Variants in STAT6 observed in about 807,000 individuals in gnomAD.
STAT6 encodes the protein STAT, interleukin4-induced.
A neutral mutation model predicts 106.3 loss-of-function variants in STAT6; 45 were observed. The ratio of observed to expected loss-of-function variants is 0.42; its 90% CI spans 0.33 to 0.54. STAT6 has a LOEUF of 0.54. Ranked by LOEUF, STAT6 falls within the 20% of genes least tolerant of loss-of-function variation. The probability of loss-of-function intolerance (pLI) is 0.06; values close to 1 mark genes in which losing one functional copy is unlikely to be tolerated. For synonymous variants in STAT6, 413 were observed against 413.6 expected (o/e 1.00, Z 0.02); for missense variants, 797 against 1,062.2 (o/e 0.75, Z 3.47).
rs1409035859 is a variant in STAT6, at chr12:57,105,228, A to G, written c.924T>C (p.Pro308=). 1 of 1,614,050 alleles carries G rather than the reference A, an allele frequency of 6.2e-7. No homozygotes were observed. The highest frequency in any genetic ancestry group is 1.1e-5 in the South Asian group (1 of 91,084). The change falls in exon 9 of 22, where the codon CCT becomes CCC. Residue 308 remains proline, a synonymous_variant. Coordinates refer to ENST00000300134, the MANE Select transcript of STAT6 (RefSeq NM_003153.5). ...TCACCATGTCGGCCCTGACCAGCGG[A>G]GGCTTGGCTGGGGCCCCCAGGAACC... ...GLRFLGAPAK[P]PLVRADMVTE...
At chr12:57,097,626 A>G (rs974613314) in intron 19 of STAT6, among the ~76,000 whole-genome samples, 1 of 152,346 alleles carries the variant, frequency 6.6e-6, no homozygotes, top group Admixed American at 6.5e-5. Context: ...CAGTGGTCCC[A>G]TAAGATTATA....
chr12:57,100,698 A>AAGAAAGAAAGAG (rs2033832290), intron 13 of STAT6: 2 of 33,762 alleles, frequency 5.9e-5, no homozygotes, highest in East Asian at 6.2e-4. Context: ...GAAAGAAAGA[A>AAGAAAGAAAGAG]AGAGAAAGAA....
intron 19 of STAT6, 147 bp downstream of exon 19, chr12:57,098,355 TAAC>T (rs2033585562): frequency 1.2e-6 from 1 of 819,772 alleles, no homozygotes; most frequent in Admixed American, 2.3e-5. Context: ...GTCCAGATCT[TAAC>T]TACTACCCCC....
At chr12:57,108,385 G>A (rs2034403318) in intron 1 of STAT6, 86 bp from the exon 2 acceptor site, 1 of 718,778 alleles carries the variant, frequency 1.4e-6, no homozygotes, top group Admixed American at 2.1e-5. Flanking sequence ...CCCATAGATA[G>A]CCCTCCTAGG....
chr12:57,107,860 G>A, intron 2 of STAT6, 117 bp from the exon 3 acceptor site: 1 of 1,392,374 alleles, frequency 7.2e-7, no homozygotes, highest in South Asian at 1.4e-5. Flanking sequence ...CTCCATCTAG[G>A]CCCTCTGTAG....
In STAT6 at chr12:57,099,845, C is replaced by T. The variant is rs761488857; in HGVS notation, c.1666G>A (p.Asp556Asn). 21 of 1,614,078 alleles carry T rather than the reference C, an allele frequency of 1.3e-5. No individual in the cohort carries two copies. The South Asian group carries it at 1.5e-4, about 12-fold the overall frequency. Residue 556 changes from aspartate (D) to asparagine (N), a missense_variant, in exon 15 of 22, where the codon GAC becomes AAC. Asp to Asn is a conservative substitution (Grantham distance 23). Transcript: ENST00000300134. The surrounding 1 kb of genome is among the most constrained non-coding windows in gnomAD (Gnocchi z 4.7). ...CTGAAGCGGAGGAGAAAGGTTCCGTCGGGCTCATTGAGAAGAAGGCTAGTA... is the reference window on the plus strand; with the variant it reads ...CTGAAGCGGAGGAGAAAGGTTCCGTTGGGCTCATTGAGAAGAAGGCTAGTA... ...YVTSLLLNEPDGTFLLRFSDS... is the reference protein window; with the variant it reads ...YVTSLLLNEPNGTFLLRFSDS...
intron 13 of STAT6, 133 bp from the exon 14 acceptor site, chr12:57,100,223 T>C (rs889099924): frequency 1.6e-4 from 116 of 728,788 alleles, no homozygotes; most frequent in Non-Finnish European, 2.7e-4. Flanking sequence ...TGAGACTCCA[T>C]CAATGACAAC....
chr12:57,095,734 T>A lies in STAT6; in HGVS notation c.*838A>T, dbSNP rs1041236305. On this transcript the variant is annotated 3_prime_UTR_variant, in exon 22 of 22. Transcript: ENST00000300134. ...TTCAGAGTATTTGGGGGTTAGCATA[T>A]GTCAGAGAGGCCAGCACACTTGCTG... 6.6e-6 allele frequency: 1 copy of A among 152,252 alleles called. No homozygotes were observed. The highest frequency in any genetic ancestry group is 2.4e-5 in the African/African-American group (1 of 41,468). The allele number at this position is 152,252 out of a possible 1,614,324, so 9.4% of individuals were successfully genotyped here. A position where few individuals can be genotyped will look rare whatever the true frequency, so the allele number is the denominator to read the frequency against.
chr12:57,096,519 G>T lies in STAT6; in HGVS notation c.*53C>A. 6.6e-7 allele frequency: 1 copy of T among 1,509,914 alleles called. No homozygotes were observed. Among genetic ancestry groups the T allele is most frequent in the Non-Finnish European group, 8.9e-7 (1 of 1,121,706 alleles). 93.5% of individuals were successfully genotyped at this position (1,509,914 alleles called of 1,614,324 possible). ...GGGCATGAGCAAGTGTCCAGAGCAGGTCTGTGGGGGTAGTAGAAGAGCTGT... is the reference window on the plus strand; with the variant it reads ...GGGCATGAGCAAGTGTCCAGAGCAGTTCTGTGGGGGTAGTAGAAGAGCTGT... On this transcript the variant is annotated 3_prime_UTR_variant, in exon 22 of 22. Transcript: ENST00000300134.
Position 57,097,203 on chromosome 12 carries a change from C to G in STAT6, c.2160-70G>C, listed in dbSNP as rs764331551. Reference sequence around the variant, plus strand: ...ATGCAGAGTGGTGCAAAGTCAGGACCACTGAGTGAGGAAACAAGCTCCAGC... The same window carrying G: ...ATGCAGAGTGGTGCAAAGTCAGGACGACTGAGTGAGGAAACAAGCTCCAGC... On this transcript the variant is annotated intron_variant, in intron 19 of 21. Coordinates refer to ENST00000300134, the MANE Select transcript of STAT6 (RefSeq NM_003153.5). 6.3e-5 allele frequency: 83 copies of G among 1,315,110 alleles called. 1 individual carries two copies. Among genetic ancestry groups the G allele is most frequent in the Non-Finnish European group, 8.0e-5 (78 of 977,880 alleles). 81.5% of individuals were successfully genotyped at this position (1,315,110 alleles called of 1,614,324 possible).
Position 57,108,308 on chromosome 12 carries a change from G to T in STAT6, c.-21-9C>A. The T allele has an allele frequency of 6.9e-7, 1 of 1,444,920 alleles. No homozygotes were observed. The highest frequency in any genetic ancestry group is 1.2e-5 in the South Asian group (1 of 84,652). 89.5% of individuals were successfully genotyped at this position (1,444,920 alleles called of 1,614,324 possible). ...TGGGACTTGGAGGTTGCCTGGAGGA[G>T]AAAAATAAGGCCACTCTGAGGGGTG... is the stretch of plus-strand genomic sequence containing the variant. On this transcript the variant is annotated splice_polypyrimidine_tract_variant and intron_variant, in intron 1 of 21. Transcript: ENST00000300134.
intron 13 of STAT6, 101 bp from the exon 14 acceptor site, chr12:57,100,191 G>A (rs2033733642): frequency 9.9e-7 from 1 of 1,011,612 alleles, no homozygotes; most frequent in Non-Finnish European, 1.5e-6. Context: ...CAGAATCACA[G>A]GGCTGAGGAT....
chr12:57,105,037 T>A, intron 9 of STAT6, 114 bp downstream of exon 9: 1 of 1,356,896 alleles, frequency 7.4e-7, no homozygotes, highest in Admixed American at 2.2e-5. Context: ...ATTCAGGGTC[T>A]CCACATCCCA....
At chr12:57,098,435 G>A (rs1180716280) in intron 19 of STAT6, 70 bp downstream of exon 19, 1 of 1,453,200 alleles carries the variant, frequency 6.9e-7, no homozygotes, top group Non-Finnish European at 9.7e-7. Context: ...TCACAGAAGA[G>A]CCTCTTCTAA....
intron 3 of STAT6, 101 bp from the exon 4 acceptor site, chr12:57,107,415 C>G: frequency 7.4e-7 from 1 of 1,346,844 alleles, no homozygotes; most frequent in South Asian, 1.2e-5. Flanking sequence ...TATAAGGAAG[C>G]ACAACTGTAG....
intron 11 of STAT6, 120 bp from the exon 12 acceptor site, chr12:57,103,041 G>A: frequency 1.4e-6 from 1 of 697,772 alleles, no homozygotes. Context: ...TGTTGCCCAG[G>A]CTGGAGTGCA....
rs1421713927 is a variant in STAT6, at chr12:57,099,160, G to A, written c.1892-82C>T. 18 of 1,598,062 alleles carry A rather than the reference G, an allele frequency of 1.1e-5. No individual in the cohort carries two copies. The highest frequency in any genetic ancestry group is 1.5e-5 in the Non-Finnish European group (18 of 1,166,974). On this transcript the variant is annotated intron_variant, in intron 16 of 21. Coordinates refer to ENST00000300134, the MANE Select transcript of STAT6 (RefSeq NM_003153.5). The surrounding 1 kb of genome is among the most constrained non-coding windows in gnomAD (Gnocchi z 4.7). ...GGTGGAAAAGGTGGGCATGGATCAT[G>A]GGGAAGTAAGAGAAGCACAGCTATG...
rs769710616 is a variant in STAT6, at chr12:57,106,793, T to G, written c.378A>C (p.Glu126Asp). 4 of 1,614,036 alleles carry G rather than the reference T, an allele frequency of 2.5e-6. No homozygotes were observed. The African/African-American group carries it at 5.3e-5, about 22-fold the overall frequency. Residue 126 changes from glutamate (E) to aspartate (D), a missense_variant, in exon 5 of 22, where the codon GAA becomes GAC. Physicochemically the swap from Glu to Asp is conservative, Grantham distance 45. Around this residue, in one of 4 missense-constraint regions of STAT6, gnomAD observed 336 missense variants for 429.8 expected, o/e 0.78. Coordinates refer to ENST00000300134, the MANE Select transcript of STAT6 (RefSeq NM_003153.5). ...GCAAGCCTGTCTTAAACTTGAGTTC[T>G]TCCTGCTTCCAGTGGAAAGGCATTG... ...HLPMPFHWKQ[E>D]ELKFKTGLRR...
rs1014447419 is a variant in STAT6 at position 57,106,051 on chromosome 12, C to T, written c.680+140G>A. ...GACCTGAACGACAGTGTGCACAGCCCCGCTGGAACTGGCTTTTATGCATCT... is the reference window on the plus strand; with the variant it reads ...GACCTGAACGACAGTGTGCACAGCCTCGCTGGAACTGGCTTTTATGCATCT... On this transcript the variant is annotated intron_variant, in intron 7 of 21. Transcript: ENST00000300134. The T allele has an allele frequency of 9.9e-6, 14 of 1,418,168 alleles. No homozygotes were observed. The Admixed American group carries it at 2.4e-4, about 24-fold the overall frequency. The allele number at this position is 1,418,168 out of a possible 1,614,324, so 87.8% of individuals were successfully genotyped here.
Sources: gnomAD v4.1 joint callset for allele counts (sites outside exome capture counted in the v4.1 genomes callset) on GRCh38, gnomAD v4.1.1 for gene constraint, gnomAD v4.1.1 regional missense constraint, Gnocchi (gnomAD v3.1) non-coding constraint, MANE v1.5 for transcripts, NCBI Gene and HGNC (gene_info 2026-07-23, HGNC 2026-07-21) for gene names.